Variants in TMED10 observed in about 807,000 individuals in gnomAD.
TMED10 encodes transmembrane emp24 domain-containing protein 10.
In TMED10, 7 loss-of-function variants were observed where a neutral mutation model predicts 23.1. The ratio of observed to expected loss-of-function variants is 0.30; its 90% confidence interval spans 0.17 to 0.57. The LOEUF is 0.57. Among genes scored for constraint, TMED10 ranks in the 20% least tolerant of loss-of-function variants. The pLI is 0.91. For synonymous variants in TMED10, 113 were observed against 106.9 expected (o/e 1.06, Z -0.35); for missense variants, 162 against 274.8 (o/e 0.59, Z 2.90).
rs1394704633 is a variant in TMED10, at chr14:75,152,099, T to G, written c.270A>C (p.Ala90=). The change falls in exon 2 of 5, where the codon GCA becomes GCC. Residue 90 remains alanine, a synonymous_variant. Coordinates refer to ENST00000303575, the MANE Select transcript of TMED10 (RefSeq NM_006827.6). ...AGHILYSKED[A]TKGKFAFTTE... is the part of the protein sequence containing the mutation. ...TGGTAAAGGCAAATTTCCCCTTGGT[T>G]GCATCCTCTTTGGAGTAGAGAATAT... is the stretch of plus-strand genomic sequence containing the variant. The G allele has an allele frequency of 1.2e-6, 2 of 1,613,874 alleles. No homozygotes were observed. Among genetic ancestry groups the G allele is most frequent in the African/African-American group, 1.3e-5 (1 of 74,922 alleles).
At chr14:75,139,606 A>C (rs936872255) in intron 3 of TMED10, among the ~76,000 whole-genome samples, 1 of 147,600 alleles carries the variant, frequency 6.8e-6, no homozygotes, top group African/African-American at 2.5e-5. Context: ...ACTATACTCC[A>C]TCCTGGGAGA....
intron 1 of TMED10, among the ~76,000 whole-genome samples, chr14:75,153,739 G>C (rs137954075): frequency 6.7e-6 from 1 of 149,404 alleles, no homozygotes; most frequent in Admixed American, 6.7e-5. Flanking sequence ...TATAACAGTA[G>C]TTATTTCTGA....
rs183985722 is a variant in TMED10, at chr14:75,169,429, G to A, written c.225+6926C>T. On this transcript the variant is annotated intron_variant, in intron 1 of 4. Transcript: ENST00000303575. ...CTGTAATCCCAGCACTTTGGGAGAC[G>A]GGCGGATCACCTGAGGTCAGGAGTT... Among the ~76,000 whole-genome samples, 40 of 151,904 alleles carry A rather than the reference G, an allele frequency of 2.6e-4. No individual in the cohort carries two copies. The Middle Eastern group carries it at 0.014, about 52-fold the overall frequency.
At chr14:75,166,073 G>T (rs1215819337) in intron 1 of TMED10, among the ~76,000 whole-genome samples, 1 of 152,146 alleles carries the variant, frequency 6.6e-6, no homozygotes, top group African/African-American at 2.4e-5. Context: ...CAATACTACT[G>T]CGGGGGTGAA....
chr14:75,135,068 T>C lies in TMED10; in HGVS notation c.539-62A>G, dbSNP rs150682373. On this transcript the variant is annotated intron_variant, in intron 4 of 4. Coordinates refer to ENST00000303575, the MANE Select transcript of TMED10 (RefSeq NM_006827.6). Reference sequence around the variant, plus strand: ...TGAGCCTCCTCAGCTGGCTAAACAATGGCAGGGGAGGTGGGTAAAGGCAAT... The same window carrying C: ...TGAGCCTCCTCAGCTGGCTAAACAACGGCAGGGGAGGTGGGTAAAGGCAAT... 1.9e-3 allele frequency: 3,041 copies of C among 1,600,726 alleles called. 21 individuals carry two copies. In the African/African-American group the frequency reaches 0.025, roughly 13 times the overall value.
chr14:75,164,548 TATATATATATATATATATATATATA>T (rs1176154892), intron 1 of TMED10, among the ~76,000 whole-genome samples: 15,635 of 42,522 alleles, frequency 0.37, 2,744 homozygotes, highest in East Asian at 0.65. Context: ...TATATATATA[TATATATATATATATATATATATATA>T]TATATTTTTT....
At chr14:75,152,838 G>A (rs1263148889) in intron 1 of TMED10, among the ~76,000 whole-genome samples, 1 of 152,178 alleles carries the variant, frequency 6.6e-6, no homozygotes, top group African/African-American at 2.4e-5. Context: ...TTCAAGACCT[G>A]GCTGGGCGCG....
At chr14:75,165,248 T>A (rs999152383) in intron 1 of TMED10, among the ~76,000 whole-genome samples, 46 of 152,296 alleles carry the variant, frequency 3.0e-4, no homozygotes, top group Admixed American at 1.2e-3. Flanking sequence ...TCTTTTTTTT[T>A]AGACAGTCTC....
At chr14:75,158,823 C>A (rs1417537109) in intron 1 of TMED10, among the ~76,000 whole-genome samples, 2 of 152,090 alleles carry the variant, frequency 1.3e-5, no homozygotes, top group Admixed American at 1.3e-4. Context: ...ACTGAGGAGG[C>A]TGAGGCAGGA....
intron 3 of TMED10, among the ~76,000 whole-genome samples, chr14:75,141,493 G>A (rs1304874653): frequency 6.6e-6 from 1 of 152,136 alleles, no homozygotes; most frequent in Non-Finnish European, 1.5e-5. Context: ...TAATGAATCA[G>A]AGCCATTCAT....
intron 1 of TMED10, among the ~76,000 whole-genome samples, chr14:75,158,201 A>T (rs1896044191): frequency 6.6e-6 from 1 of 152,240 alleles, no homozygotes; most frequent in South Asian, 2.1e-4. Flanking sequence ...CACAAGGTAA[A>T]GACCTTGAAG....
intron 2 of TMED10, among the ~76,000 whole-genome samples, chr14:75,149,674 T>G (rs537916145): frequency 2.0e-5 from 3 of 152,324 alleles, no homozygotes; most frequent in African/African-American, 7.2e-5. Flanking sequence ...GAGAGAAGAT[T>G]GTAGTTGTGG....
chr14:75,162,966 G>A (rs1287774972), intron 1 of TMED10, among the ~76,000 whole-genome samples: 2 of 152,058 alleles, frequency 1.3e-5, no homozygotes, highest in East Asian at 1.9e-4. Flanking sequence ...AGGCCCACTG[G>A]CTCACACCTT....
At chr14:75,169,961 C>T (rs1896211102) in intron 1 of TMED10, among the ~76,000 whole-genome samples, 1 of 152,110 alleles carries the variant, frequency 6.6e-6, no homozygotes, top group Admixed American at 6.5e-5. Flanking sequence ...GGCGTGGTGG[C>T]TCATGCCTGT....
chr14:75,171,343 G>A (rs1193486862), intron 1 of TMED10, among the ~76,000 whole-genome samples: 3 of 151,150 alleles, frequency 2.0e-5, no homozygotes, highest in African/African-American at 4.9e-5. Flanking sequence ...GCCGTGGCAC[G>A]ATCTCGGCTC....
chr14:75,134,968 A>C lies in TMED10; in HGVS notation c.577T>G (p.Ser193Ala). 1.9e-6 allele frequency: 3 copies of C among 1,614,116 alleles called. No individual in the cohort carries two copies. The highest frequency in any genetic ancestry group is 2.5e-6 in the Non-Finnish European group (3 of 1,179,992). The change falls in exon 5 of 5, where the codon TCA becomes GCA. Residue 193 changes from serine to alanine, a missense_variant. Physicochemically the swap from Ser to Ala is moderately conservative, Grantham distance 99 (BLOSUM62 1). Coordinates refer to ENST00000303575, the MANE Select transcript of TMED10 (RefSeq NM_006827.6). ...NTRVLYFSIF[S>A]MFCLIGLATW... ...GCTAGTCCAATGAGACAGAACATTG[A>C]AAAGATGCTGAAGTATAGGACCCGA...
chr14:75,172,203 A>G (rs770344768), intron 1 of TMED10, among the ~76,000 whole-genome samples: 1 of 152,216 alleles, frequency 6.6e-6, no homozygotes, highest in Non-Finnish European at 1.5e-5. Context: ...GGAAGAGGAG[A>G]CTGCTCTAGA....
intron 1 of TMED10, among the ~76,000 whole-genome samples, chr14:75,158,715 G>A (rs958886689): frequency 6.6e-6 from 1 of 151,834 alleles, no homozygotes; most frequent in South Asian, 2.1e-4. Context: ...ACCTGAGGTC[G>A]GGAGTTCGAG....
chr14:75,134,725 G>A lies in TMED10; in HGVS notation c.*160C>T. 1.1e-6 allele frequency: 1 copy of A among 873,250 alleles called. No homozygotes were observed. The highest frequency in any genetic ancestry group is 1.7e-6 in the Non-Finnish European group (1 of 577,290). The allele number at this position is 873,250 out of a possible 1,614,324, so 54.1% of individuals were successfully genotyped here. On this transcript the variant is annotated 3_prime_UTR_variant, in exon 5 of 5. Coordinates refer to ENST00000303575, the MANE Select transcript of TMED10 (RefSeq NM_006827.6). ...GTCCCTCATTGACTTGTTGGGTGTA[G>A]GTGGTACCCCATGTCCTCCCACACC...
Sources: gnomAD v4.1 joint callset for allele counts (sites outside exome capture counted in the v4.1 genomes callset) on GRCh38, gnomAD v4.1.1 for gene constraint, MANE v1.5 for transcripts, NCBI Gene and HGNC (gene_info 2026-07-23, HGNC 2026-07-21) for gene names.